Variants in PSMA6 observed in about 807,000 individuals in gnomAD.
PSMA6 encodes the protein proteasome 20S subunit alpha 6.
For missense variants in PSMA6, 170 were observed against 294.8 expected (o/e 0.58, Z 3.10); for synonymous variants, 88 against 97.7 (o/e 0.90, Z 0.59).
chr14:35,298,669 TAAAAAATAA>T (rs1158632885), intron 1 of PSMA6, among the ~76,000 whole-genome samples: 1 of 152,074 alleles, frequency 6.6e-6, no homozygotes. Flanking sequence ...ATCCTGACTT[TAAAAAATAA>T]ATATCATTTT....
chr14:35,308,238 A>C (rs928343863), intron 2 of PSMA6, 150 bp downstream of exon 2: 1 of 922,618 alleles, frequency 1.1e-6, no homozygotes, highest in African/African-American at 1.7e-5. Context: ...CGTGACCAAC[A>C]TGGAGAAACC....
chr14:35,297,324 T>G (rs968900310), intron 1 of PSMA6, among the ~76,000 whole-genome samples: 2 of 151,968 alleles, frequency 1.3e-5, no homozygotes, highest in African/African-American at 2.4e-5. Context: ...CACGCCGTTC[T>G]CCTGCCTCAG....
chr14:35,291,979 A>G (rs1480060809), upstream of PSMA6, among the ~76,000 whole-genome samples: 1 of 152,106 alleles, frequency 6.6e-6, no homozygotes, highest in Non-Finnish European at 1.5e-5. Flanking sequence ...TGCAGCTGCA[A>G]CCTGTTTCCC....
At chr14:35,307,022 C>T (rs1191824308) in intron 1 of PSMA6, among the ~76,000 whole-genome samples, 1 of 152,006 alleles carries the variant, frequency 6.6e-6, no homozygotes, top group African/African-American at 2.4e-5. Context: ...GTGGTGTGCA[C>T]CTGTAATCCC....
chr14:35,282,432 ATT>A (rs57454361), intron 1 of PSMA6, among the ~76,000 whole-genome samples: 1 of 147,092 alleles, frequency 6.8e-6, no homozygotes, highest in Non-Finnish European at 1.5e-5. Context: ...TTAAAAAAAA[ATT>A]TTTTTTTTTA....
intron 1 of PSMA6, chr14:35,292,866 G>T: frequency 1.9e-6 from 1 of 521,714 alleles, no homozygotes; most frequent in South Asian, 1.7e-5. Flanking sequence ...TTCTGTCCTG[G>T]CCAGGCACAA....
intron 1 of PSMA6, among the ~76,000 whole-genome samples, chr14:35,296,899 G>T (rs1402554301): frequency 6.6e-6 from 1 of 151,904 alleles, no homozygotes; most frequent in African/African-American, 2.4e-5. Context: ...CACAGAAAAA[G>T]TGATGGGATC....
chr14:35,299,727 G>A (rs1427031104), intron 1 of PSMA6, among the ~76,000 whole-genome samples: 1 of 152,248 alleles, frequency 6.6e-6, no homozygotes, highest in East Asian at 1.9e-4. Flanking sequence ...ATACTCTTTA[G>A]GTGTTGAGTT....
At chr14:35,305,971 A>T (rs972275611) in intron 1 of PSMA6, among the ~76,000 whole-genome samples, 1 of 152,078 alleles carries the variant, frequency 6.6e-6, no homozygotes, top group Non-Finnish European at 1.5e-5. Context: ...CATCCCTGTA[A>T]TCCCATCACT....
intron 1 of PSMA6, among the ~76,000 whole-genome samples, chr14:35,294,063 A>T (rs2051535289): frequency 6.6e-6 from 1 of 152,194 alleles, no homozygotes; most frequent in South Asian, 2.1e-4. Flanking sequence ...TATTTTTTTG[A>T]GACAGAGCTT....
upstream of PSMA6, among the ~76,000 whole-genome samples, chr14:35,288,252 T>C (rs145737437): frequency 1.4e-3 from 207 of 152,154 alleles, 6 homozygotes; most frequent in East Asian, 0.035. Context: ...AATCCCAGCA[T>C]TTTGGGAGGC....
Position 35,305,146 on chromosome 14 carries a change from C to CTT in PSMA6, c.77-2835_77-2834dup, listed in dbSNP as rs57226520. On this transcript the variant is annotated intron_variant, in intron 1 of 6. Transcript: ENST00000261479. ...TTTGAAGATTTCTTTTCTTTTGTTT[C>CTT]TTTTTTTTTTTTTTGAAATGGGGTC... 0.023 allele frequency among the ~76,000 whole-genome samples: 3,306 copies of CTT among 143,928 alleles called. 299 individuals are homozygous for CTT. The East Asian group carries it at 0.33, about 14-fold the overall frequency. 94.4% of individuals were successfully genotyped at this position (143,928 alleles called of 152,430 possible).
chr14:35,308,740 A>G lies in PSMA6; in HGVS notation c.172-174A>G, dbSNP rs2051881347. 1.5e-5 allele frequency: 8 copies of G among 524,058 alleles called. No homozygotes were observed. In the East Asian group the frequency reaches 2.7e-4, roughly 18 times the overall value. 32.5% of individuals were successfully genotyped at this position (524,058 alleles called of 1,614,324 possible). A position where few individuals can be genotyped will look rare whatever the true frequency, so the allele number is the denominator to read the frequency against. ...GTAAATAGAGCCCCTCGAAACTAAA[A>G]TTGATTTTAACTATAAAATGATCAG... On this transcript the variant is annotated intron_variant, in intron 2 of 6. Coordinates refer to ENST00000261479, the MANE Select transcript of PSMA6 (RefSeq NM_002791.3).
intron 1 of PSMA6, among the ~76,000 whole-genome samples, chr14:35,295,230 A>G (rs559783564): frequency 1.2e-4 from 18 of 151,870 alleles, no homozygotes; most frequent in Admixed American, 3.9e-4. Context: ...CTACCTCCTC[A>G]GGAAGCTGAG....
At chr14:35,311,935 T>G (rs984477880) in intron 4 of PSMA6, among the ~76,000 whole-genome samples, 1 of 152,044 alleles carries the variant, frequency 6.6e-6, no homozygotes, top group Non-Finnish European at 1.5e-5. Flanking sequence ...GGTATTTCTA[T>G]TTTAAAAAAA....
intron 1 of PSMA6, among the ~76,000 whole-genome samples, chr14:35,296,771 G>A (rs895816811): frequency 1.2e-4 from 18 of 152,254 alleles, no homozygotes; most frequent in African/African-American, 3.9e-4. Flanking sequence ...TTTCAAAGCA[G>A]TATTTCTCAA....
chr14:35,315,373 A>C (rs2052025113), intron 6 of PSMA6: 1 of 151,432 alleles, frequency 6.6e-6, no homozygotes. Flanking sequence ...AACATGACAG[A>C]TTCAGAAAAA....
At chr14:35,291,826 A>C (rs1330495689), upstream of PSMA6, among the ~76,000 whole-genome samples, 3 of 145,106 alleles carry the variant, frequency 2.1e-5, no homozygotes, top group South Asian at 2.2e-4. Flanking sequence ...TCTGTCTCAA[A>C]AAAAAAAAAA....
At chr14:35,292,234 C>T, upstream of PSMA6, 7 of 1,227,774 alleles carry the variant, frequency 5.7e-6, no homozygotes, top group East Asian at 3.2e-5. Flanking sequence ...CTCAAGAGGC[C>T]TGCTTGGCGC....
Sources: allele counts gnomAD v4.1 joint callset (sites outside exome capture counted in the v4.1 genomes callset), GRCh38; gene constraint gnomAD v4.1.1; transcripts MANE v1.5; gene names NCBI Gene and HGNC (gene_info 2026-07-23, HGNC 2026-07-21).